Variants in AFG2A observed in about 807,000 individuals in gnomAD.
AFG2A encodes the protein AAA ATPase AFG2A.
chr4:123,263,815 A>T, the AFG2A span, among the ~76,000 whole-genome samples: 1 of 152,170 alleles, frequency 6.6e-6, no homozygotes, highest in East Asian at 1.9e-4. Context: ...TTCCTTAAAG[A>T]ACTAAAAGTA....
the AFG2A span, among the ~76,000 whole-genome samples, chr4:123,182,836 G>T: frequency 6.6e-6 from 1 of 152,178 alleles, no homozygotes; most frequent in African/African-American, 2.4e-5. Flanking sequence ...CTGTGCTTTG[G>T]CTAGTGGTAG....
chr4:122,942,762 G>A, the AFG2A span, among the ~76,000 whole-genome samples: 3,238 of 151,062 alleles, frequency 0.021, 59 homozygotes, highest in Non-Finnish European at 0.035. Context: ...GCTTTCTCTT[G>A]TGGGCATTTA....
chr4:123,249,897 T>C, the AFG2A span, among the ~76,000 whole-genome samples: 47 of 152,280 alleles, frequency 3.1e-4, no homozygotes, highest in South Asian at 7.0e-3. Context: ...CAAGGTTTCT[T>C]TGAGATAATT....
At chr4:123,265,885 A>C in the AFG2A span, among the ~76,000 whole-genome samples, 2 of 152,014 alleles carry the variant, frequency 1.3e-5, no homozygotes, top group Non-Finnish European at 2.9e-5. Flanking sequence ...CCAAATTCTC[A>C]GTCTCTCTAT....
chr4:123,311,119 GT>G, the AFG2A span, among the ~76,000 whole-genome samples: 1 of 152,134 alleles, frequency 6.6e-6, no homozygotes. Flanking sequence ...AAGTTTCGTA[GT>G]TCTCCAAGCT....
the AFG2A span, among the ~76,000 whole-genome samples, chr4:123,092,419 A>C: frequency 1.3e-5 from 2 of 152,118 alleles, no homozygotes; most frequent in Admixed American, 1.3e-4. Context: ...TTGGCTTCCT[A>C]ATGTTGGGTG....
the AFG2A span, chr4:122,934,014 A>G: frequency 7.2e-7 from 1 of 1,388,310 alleles, no homozygotes. Context: ...TTTTCAGATA[A>G]TAGATGAAAT....
At chr4:123,104,990 A>G in the AFG2A span, among the ~76,000 whole-genome samples, 2 of 152,254 alleles carry the variant, frequency 1.3e-5, 1 homozygote, top group South Asian at 4.1e-4. Context: ...TTAACTAAAC[A>G]ACAGATTTTT....
At chr4:123,237,672 C>CAAAAAAAAAAAAAAA in the AFG2A span, among the ~76,000 whole-genome samples, 1 of 66,652 alleles carries the variant, frequency 1.5e-5, no homozygotes, top group Non-Finnish European at 2.8e-5. Flanking sequence ...AACCTTGTCT[C>CAAAAAAAAAAAAAAA]AAAAAAAAAA....
chr4:123,109,647 C>T, the AFG2A span, among the ~76,000 whole-genome samples: 60 of 152,186 alleles, frequency 3.9e-4, 1 homozygote, highest in East Asian at 0.01. Context: ...TCCATACCTC[C>T]TTTTATGCTA....
the AFG2A span, chr4:123,316,157 T>C: frequency 6.6e-6 from 1 of 152,168 alleles, no homozygotes; most frequent in South Asian, 2.1e-4. Flanking sequence ...AATATCAGAT[T>C]TTCAAGACAA....
the AFG2A span, among the ~76,000 whole-genome samples, chr4:123,311,495 C>G: frequency 1.3e-5 from 2 of 151,872 alleles, no homozygotes; most frequent in African/African-American, 4.8e-5. Flanking sequence ...GGCGTGGTGG[C>G]ACGCGCCCGT....
chr4:122,965,640 A>G, the AFG2A span, among the ~76,000 whole-genome samples: 1 of 152,220 alleles, frequency 6.6e-6, no homozygotes, highest in Non-Finnish European at 1.5e-5. Context: ...GTTTCTTAAC[A>G]TAGCAGTATT....
At chr4:123,014,980 A>G in the AFG2A span, among the ~76,000 whole-genome samples, 2 of 152,300 alleles carry the variant, frequency 1.3e-5, no homozygotes, top group African/African-American at 2.4e-5. Flanking sequence ...TTTCAACCTA[A>G]GCTTGCTTAT....
chr4:122,937,669 A>G, the AFG2A span, among the ~76,000 whole-genome samples: 1 of 152,200 alleles, frequency 6.6e-6, no homozygotes, highest in Non-Finnish European at 1.5e-5. Context: ...TCCTTCTGTG[A>G]GAGAATTCAC....
At chr4:123,107,762 G>A in the AFG2A span, among the ~76,000 whole-genome samples, 1 of 152,192 alleles carries the variant, frequency 6.6e-6, no homozygotes, top group Non-Finnish European at 1.5e-5. Flanking sequence ...TCCCTCCCAT[G>A]CTCACCAGTG....
the AFG2A span, among the ~76,000 whole-genome samples, chr4:123,119,247 T>G: frequency 6.6e-6 from 1 of 152,210 alleles, no homozygotes; most frequent in Non-Finnish European, 1.5e-5. Flanking sequence ...GTAAGTCACC[T>G]TGCTTATTAC....
At chr4:123,225,024 T>G in the AFG2A span, among the ~76,000 whole-genome samples, 3 of 152,258 alleles carry the variant, frequency 2.0e-5, no homozygotes, top group African/African-American at 7.2e-5. Flanking sequence ...GAGAAGTGTC[T>G]GTTCATATCC....
the AFG2A span, among the ~76,000 whole-genome samples, chr4:123,144,639 A>T: frequency 6.6e-6 from 1 of 152,162 alleles, no homozygotes; most frequent in African/African-American, 2.4e-5. Flanking sequence ...AACCTGTCTT[A>T]AATGTTAGAT....
Sources: gnomAD v4.1 joint callset for allele counts (sites outside exome capture counted in the v4.1 genomes callset) on GRCh38, gnomAD v4.1.1 for gene constraint, MANE v1.5 for transcripts, NCBI Gene and HGNC (gene_info 2026-07-23, HGNC 2026-07-21) for gene names.